Variants in PICK1 observed in about 807,000 individuals in gnomAD.
PICK1 encodes the protein PRKCA-binding protein.
PICK1 carries 23 observed loss-of-function variants against 48.9 expected under a neutral mutation model. That is an observed-to-expected ratio of 0.47 (90% CI 0.34 to 0.67). The LOEUF is 0.67. Among genes scored for constraint, PICK1 ranks in the 30% least tolerant of loss-of-function variants. The probability of loss-of-function intolerance (pLI) is 0.01; values close to 1 mark genes in which losing one functional copy is unlikely to be tolerated. For missense variants in PICK1, 423 were observed against 557.1 expected, an observed-to-expected ratio of 0.76 and a Z score of 2.42; for synonymous variants, 217 against 228.2, an observed-to-expected ratio of 0.95 and a Z score of 0.44.
In PICK1 at chr22:38,069,142, G is replaced by A; in HGVS notation, c.439+20G>A. On this transcript the variant is annotated intron_variant, in intron 6 of 12. Transcript: ENST00000356976. ...GCAATGGTGAGTCCCTTCCCACCCAGCTGGGGCCCCGGGGACTCAAGCCCA... is the reference window on the plus strand; with the variant it reads ...GCAATGGTGAGTCCCTTCCCACCCAACTGGGGCCCCGGGGACTCAAGCCCA... 6.3e-7 allele frequency: 1 copy of A among 1,580,596 alleles called. No individual in the cohort carries two copies. The highest frequency in any genetic ancestry group is 8.6e-7 in the Non-Finnish European group (1 of 1,160,172).
At chr22:38,070,787 C>T (rs1259245773) in intron 6 of PICK1, 51 bp from the exon 7 acceptor site, 1 of 1,550,436 alleles carries the variant, frequency 6.4e-7, no homozygotes, top group East Asian at 2.2e-5. Flanking sequence ...CCCTGGGCCT[C>T]CTGTGGCTTG....
intron 3 of PICK1, among the ~76,000 whole-genome samples, chr22:38,063,743 A>G (rs908358120): frequency 2.7e-5 from 4 of 150,436 alleles, no homozygotes; most frequent in African/African-American, 9.8e-5. Context: ...CCCAGGCTCA[A>G]GCGATCCTCC....
At chr22:38,065,185 C>G in intron 4 of PICK1, 55 bp downstream of exon 4, 1 of 1,573,068 alleles carries the variant, frequency 6.4e-7, no homozygotes, top group Non-Finnish European at 8.7e-7. Context: ...TTTCTGAGAC[C>G]TCCAGGCTGC....
intron 4 of PICK1, 126 bp downstream of exon 4, chr22:38,065,256 T>A: frequency 1.1e-6 from 1 of 932,562 alleles, no homozygotes; most frequent in Non-Finnish European, 1.7e-6. Flanking sequence ...CCTTGTCATG[T>A]GCAGGGTCAG....
chr22:38,068,497 G>T (rs1180518046), intron 5 of PICK1, among the ~76,000 whole-genome samples: 1 of 152,170 alleles, frequency 6.6e-6, no homozygotes, highest in Non-Finnish European at 1.5e-5. Flanking sequence ...GGGCAGGCTG[G>T]ATCTATCTGG....
At chr22:38,067,826 C>G in intron 5 of PICK1, 56 bp downstream of exon 5, 1 of 1,445,796 alleles carries the variant, frequency 6.9e-7, no homozygotes, top group Non-Finnish European at 9.7e-7. Flanking sequence ...TGGGCCCTGG[C>G]CCAAAGGAGA....
In PICK1 at chr22:38,063,128, A is replaced by AT. The variant is rs553592151; in HGVS notation, c.154-1867dup. ...TGTATTCTCTGTTCTGCTTTTTTCT[A>AT]TTTTTTTATTGTGGTAAAATTTACC... On this transcript the variant is annotated intron_variant, in intron 3 of 12. Coordinates refer to ENST00000356976, the MANE Select transcript of PICK1 (RefSeq NM_012407.4). Among the ~76,000 whole-genome samples the AT allele has an allele frequency of 8.4e-5, 12 of 143,448 alleles. No individual in the cohort carries two copies. The East Asian group carries it at 1.2e-3, about 15-fold the overall frequency. The allele number at this position is 143,448 out of a possible 152,430, so 94.1% of individuals were successfully genotyped here.
intron 2 of PICK1, among the ~76,000 whole-genome samples, chr22:38,058,850 C>CA (rs955007318): frequency 6.6e-6 from 1 of 152,048 alleles, no homozygotes; most frequent in African/African-American, 2.4e-5. Context: ...ACTAAAAATA[C>CA]AAAAAAATCA....
chr22:38,058,235 C>T, intron 2 of PICK1: 1 of 302,110 alleles, frequency 3.3e-6, no homozygotes, highest in Non-Finnish European at 6.4e-6. Flanking sequence ...GACAGATTTT[C>T]CCATTAGAAT....
At chr22:38,071,983 A>T in intron 8 of PICK1, 1 of 580,026 alleles carries the variant, frequency 1.7e-6, no homozygotes, top group East Asian at 2.9e-5. Flanking sequence ...CTGGCAGTAC[A>T]CAAGGCCCTT....
At position 38,065,060 on chromosome 22, in the gene PICK1, C is replaced by G. The variant is rs2085492551; in HGVS notation, c.212C>G (p.Thr71Ser). Residue 71 changes from threonine (T) to serine (S), a missense_variant, in exon 4 of 13, where the codon ACC becomes AGC. Transcript: ENST00000356976. ...DGTVAAGDEI[T>S]GVNGRSIKGK... ...ACAGTGGCAGCTGGCGATGAGATCACCGGTGTCAATGGCAGGTCAATCAAA... is the reference window on the plus strand; with the variant it reads ...ACAGTGGCAGCTGGCGATGAGATCAGCGGTGTCAATGGCAGGTCAATCAAA... 9.3e-6 allele frequency: 15 copies of G among 1,613,964 alleles called. No homozygotes were observed. The highest frequency in any genetic ancestry group is 1.0e-5 in the Non-Finnish European group (12 of 1,179,984).
At chr22:38,062,735 C>A (rs1007267230) in intron 3 of PICK1, among the ~76,000 whole-genome samples, 1 of 152,144 alleles carries the variant, frequency 6.6e-6, no homozygotes, top group African/African-American at 2.4e-5. Context: ...TTTTTTGAGA[C>A]CTCGGGTCTG....
chr22:38,073,129 G>A lies in PICK1; in HGVS notation c.783+37G>A, dbSNP rs1203788125. 1.1e-5 allele frequency: 15 copies of A among 1,367,572 alleles called. 1 individual carries two copies. The highest frequency in any genetic ancestry group is 8.1e-5 in the South Asian group (7 of 86,244). The allele number at this position is 1,367,572 out of a possible 1,614,324, so 84.7% of individuals were successfully genotyped here. A position where few individuals can be genotyped will look rare whatever the true frequency, so the allele number is the denominator to read the frequency against. On this transcript the variant is annotated intron_variant, in intron 10 of 12. Transcript: ENST00000356976. This position sits in a 1 kb window ranked among gnomAD's most constrained non-coding sequence, Gnocchi z 5.7. ...AGGTGCCCAGGCTGCTAGGGCAAGC[G>A]CCCACCCTGGAGATCTGCCCCACTT...
At position 38,066,543 on chromosome 22, in the gene PICK1, G is replaced by A. The variant is rs1441214544; in HGVS notation, c.283-1161G>A. Among the ~76,000 whole-genome samples the A allele has an allele frequency of 2.6e-5, 4 of 152,136 alleles. No individual in the cohort carries two copies. The highest frequency in any genetic ancestry group is 1.9e-4 in the East Asian group (1 of 5,184). ...TCCCATCTTACAGGTGTCCACAGGC[G>A]GGGAGTGACCTGCTTGTGGTCACAC... On this transcript the variant is annotated intron_variant, in intron 4 of 12. Coordinates refer to ENST00000356976, the MANE Select transcript of PICK1 (RefSeq NM_012407.4). The surrounding 1 kb of genome is among the most constrained non-coding windows in gnomAD (Gnocchi z 4.1).
chr22:38,071,656 T>C (rs1400912904), intron 7 of PICK1, 26 bp from the exon 8 acceptor site: 1 of 1,606,476 alleles, frequency 6.2e-7, no homozygotes, highest in Non-Finnish European at 8.5e-7. Context: ...GCGTCCCCAT[T>C]CCGCATCACT....
In PICK1 at chr22:38,074,517, G is replaced by C; in HGVS notation, c.979+66G>C. ...GGTGGGAAAACTGAGGCCCAGAGGG[G>C]TACTCTCAGGGCCAGGCCACGGCCC... On this transcript the variant is annotated intron_variant, in intron 12 of 12. Coordinates refer to ENST00000356976, the MANE Select transcript of PICK1 (RefSeq NM_012407.4). The surrounding 1 kb of genome is among the most constrained non-coding windows in gnomAD (Gnocchi z 4.5). 6.3e-7 allele frequency: 1 copy of C among 1,583,542 alleles called. No individual in the cohort carries two copies.
chr22:38,070,802 G>A (rs749873575), intron 6 of PICK1, 36 bp from the exon 7 acceptor site: 6 of 1,604,482 alleles, frequency 3.7e-6, no homozygotes, highest in African/African-American at 2.7e-5. Context: ...GGCTTGCTGA[G>A]CCCACTGACC....
At position 38,074,201 on chromosome 22, in the gene PICK1, G is replaced by A. The variant is rs538722613; in HGVS notation, c.835-106G>A. On this transcript the variant is annotated intron_variant, in intron 11 of 12. Transcript: ENST00000356976. The surrounding 1 kb of genome is among the most constrained non-coding windows in gnomAD (Gnocchi z 4.5). ...CTGAGTGCTTCTGAGAAACACTGAA[G>A]TCTCAGAAATGAGGTCTCAGGAATG... The A allele has an allele frequency of 5.9e-6, 8 of 1,349,530 alleles. No homozygotes were observed. The East Asian group carries it at 1.9e-4, about 32-fold the overall frequency. 83.6% of individuals were successfully genotyped at this position (1,349,530 alleles called of 1,614,324 possible). A position where few individuals can be genotyped will look rare whatever the true frequency, so the allele number is the denominator to read the frequency against.
intron 3 of PICK1, among the ~76,000 whole-genome samples, chr22:38,061,068 G>A (rs1014957711): frequency 7.2e-5 from 11 of 152,038 alleles, no homozygotes; most frequent in African/African-American, 2.4e-4. Flanking sequence ...CTGGCCGGGT[G>A]CGGTGGCTCA....
Sources: gnomAD v4.1 joint callset for allele counts (sites outside exome capture counted in the v4.1 genomes callset) on GRCh38, gnomAD v4.1.1 for gene constraint, Gnocchi (gnomAD v3.1) non-coding constraint, MANE v1.5 for transcripts, NCBI Gene and HGNC (gene_info 2026-07-23, HGNC 2026-07-21) for gene names.